SPRED1: variants seen among roughly 807,000 people sequenced by gnomAD.
The protein encoded by SPRED1 is sprouty related EVH1 domain containing 1.
A neutral mutation model predicts 52.3 loss-of-function variants in SPRED1; 18 were observed. The ratio of observed to expected loss-of-function variants is 0.34; its 90% CI spans 0.24 to 0.51. The LOEUF is 0.51. SPRED1 is among the 20% of genes least tolerant of loss of function. The probability of loss-of-function intolerance (pLI) is 0.97; values close to 1 mark genes in which losing one functional copy is unlikely to be tolerated. For missense variants in SPRED1, 485 were observed against 551.0 expected (o/e 0.88, Z 1.20); for synonymous variants, 155 against 179.7 (o/e 0.86, Z 1.10).
rs1004198811 is a variant in SPRED1, at chr15:38,345,976, T to C, written c.583-3446T>C. Among the ~76,000 whole-genome samples the C allele has an allele frequency of 2.6e-5, 4 of 152,216 alleles. No homozygotes were observed. The East Asian group carries it at 7.7e-4, about 29-fold the overall frequency. ...TCAACTACGCTAGTTTATGTTCCCT[T>C]AGTAATGCTTAAATAGGCATTGCCA... On this transcript the variant is annotated intron_variant, in intron 5 of 6. Transcript: ENST00000299084.
intron 5 of SPRED1, among the ~76,000 whole-genome samples, chr15:38,346,316 A>G (rs1277269391): frequency 8.5e-6 from 1 of 117,036 alleles, no homozygotes; most frequent in Non-Finnish European, 1.9e-5. Context: ...CTTGTCTCAA[A>G]AAAAAAAAAA....
At chr15:38,307,729 C>A (rs566250112) in intron 2 of SPRED1, among the ~76,000 whole-genome samples, 1 of 152,230 alleles carries the variant, frequency 6.6e-6, no homozygotes, top group Non-Finnish European at 1.5e-5. Flanking sequence ...ATTATGGTAA[C>A]TTTAATAAGA....
chr15:38,343,138 A>G (rs1351638286), intron 5 of SPRED1, among the ~76,000 whole-genome samples: 1 of 152,066 alleles, frequency 6.6e-6, no homozygotes, highest in African/African-American at 2.4e-5. Flanking sequence ...TACGACATAA[A>G]TGCCCCAATA....
chr15:38,327,797 T>G lies in SPRED1; in HGVS notation c.423+2988T>G, dbSNP rs560566821. On this transcript the variant is annotated intron_variant, in intron 4 of 6. Coordinates refer to ENST00000299084, the MANE Select transcript of SPRED1 (RefSeq NM_152594.3). ...ACAGAAACTATGAGATAATAAATGTTTGTGTTTGAAGCTGCTAAGTTTTGT... is the reference window on the plus strand; with the variant it reads ...ACAGAAACTATGAGATAATAAATGTGTGTGTTTGAAGCTGCTAAGTTTTGT... Among the ~76,000 whole-genome samples the G allele has an allele frequency of 7.2e-5, 11 of 152,320 alleles. No individual in the cohort carries two copies. The South Asian group carries it at 2.3e-3, about 32-fold the overall frequency.
At chr15:38,255,622 A>G (rs1371025774) in intron 1 of SPRED1, among the ~76,000 whole-genome samples, 1 of 152,144 alleles carries the variant, frequency 6.6e-6, no homozygotes, top group Non-Finnish European at 1.5e-5. Flanking sequence ...TGTAGCTTTT[A>G]ATATAGTAAT....
chr15:38,322,098 T>C, intron 2 of SPRED1, 143 bp from the exon 3 acceptor site: 1 of 766,422 alleles, frequency 1.3e-6, no homozygotes, highest in Non-Finnish European at 2.1e-6. Context: ...TGAGTGACTT[T>C]GTGAAGTAGA....
At chr15:38,340,939 GTTAT>G (rs1242974218) in intron 5 of SPRED1, among the ~76,000 whole-genome samples, 2 of 148,142 alleles carry the variant, frequency 1.4e-5, no homozygotes, top group East Asian at 2.0e-4. Flanking sequence ...AAGATTGGTA[GTTAT>G]TTCTTTCTTA....
At chr15:38,257,352 A>G (rs1415643027) in intron 1 of SPRED1, among the ~76,000 whole-genome samples, 1 of 151,918 alleles carries the variant, frequency 6.6e-6, no homozygotes, top group Admixed American at 6.6e-5. Context: ...TCATTACCTC[A>G]TTTTTTTGTT....
chr15:38,285,726 G>A (rs755549864), intron 1 of SPRED1, among the ~76,000 whole-genome samples: 7 of 152,074 alleles, frequency 4.6e-5, no homozygotes, highest in African/African-American at 7.2e-5. Context: ...CACATGACCT[G>A]ATTCATGTTT....
intron 1 of SPRED1, among the ~76,000 whole-genome samples, chr15:38,297,275 T>C (rs1895059821): frequency 6.6e-6 from 1 of 152,228 alleles, no homozygotes; most frequent in Non-Finnish European, 1.5e-5. Context: ...GAAATTGAGT[T>C]ACAGTTTAGG....
intron 3 of SPRED1, 73 bp downstream of exon 3, chr15:38,322,482 AC>A (rs1461625784): frequency 1.3e-6 from 2 of 1,538,228 alleles, no homozygotes; most frequent in Non-Finnish European, 1.8e-6. Flanking sequence ...CTTAAAGTTG[AC>A]CCAAAGTAGT....
At position 38,352,688 on chromosome 15, in the gene SPRED1, A is replaced by G. The variant is rs1888518639; in HGVS notation, c.*1024A>G. On this transcript the variant is annotated 3_prime_UTR_variant, in exon 7 of 7. Transcript: ENST00000299084. ...ACTGGATAGTTAGTGTAAAAGCTTC[A>G]TGTTGAGATCTTCACGTATCATTCT... 1 of 152,062 alleles carries G rather than the reference A, an allele frequency of 6.6e-6. No homozygotes were observed. The highest frequency in any genetic ancestry group is 2.1e-4 in the South Asian group (1 of 4,826). 9.4% of individuals were successfully genotyped at this position (152,062 alleles called of 1,614,324 possible).
chr15:38,337,492 C>T (rs953035596), intron 4 of SPRED1, among the ~76,000 whole-genome samples: 1 of 152,072 alleles, frequency 6.6e-6, no homozygotes, highest in Non-Finnish European at 1.5e-5. Flanking sequence ...TGAACTATTC[C>T]TAGTTAATAG....
In SPRED1 at chr15:38,253,184, A is replaced by G; in HGVS notation, c.-2A>G. 6.3e-7 allele frequency: 1 copy of G among 1,579,754 alleles called. No homozygotes were observed. Among genetic ancestry groups the G allele is most frequent in the South Asian group, 1.2e-5 (1 of 86,398 alleles). On this transcript the variant is annotated 5_prime_UTR_variant, in exon 1 of 7. Transcript: ENST00000299084. Reference sequence around the variant, plus strand: ...TCCAGATCGGATCACGGTGAGGGAAAGATGAGCGAGGAGACGGCGACTTCT... The same window carrying G: ...TCCAGATCGGATCACGGTGAGGGAAGGATGAGCGAGGAGACGGCGACTTCT...
intron 5 of SPRED1, among the ~76,000 whole-genome samples, chr15:38,348,377 A>G (rs930287028): frequency 4.6e-5 from 7 of 151,776 alleles, no homozygotes; most frequent in Non-Finnish European, 1.0e-4. Flanking sequence ...TTAAATGCAG[A>G]GACCAAGGGC....
At chr15:38,329,444 C>T (rs1388455666) in intron 4 of SPRED1, among the ~76,000 whole-genome samples, 4 of 152,100 alleles carry the variant, frequency 2.6e-5, no homozygotes, top group Admixed American at 6.6e-5. Flanking sequence ...TAATAAGGCT[C>T]TATATCTGAA....
chr15:38,327,536 C>T (rs1263094012), intron 4 of SPRED1, among the ~76,000 whole-genome samples: 1 of 152,168 alleles, frequency 6.6e-6, no homozygotes, highest in South Asian at 2.1e-4. Flanking sequence ...CGTGAAGACA[C>T]TGGAGGAGAG....
At chr15:38,335,275 A>G (rs1022370110) in intron 4 of SPRED1, among the ~76,000 whole-genome samples, 2 of 152,078 alleles carry the variant, frequency 1.3e-5, no homozygotes. Flanking sequence ...AAGCTTTGGT[A>G]ATTGGAAACC....
In SPRED1 at chr15:38,351,001, G is replaced by C; in HGVS notation, c.685-13G>C. On this transcript the variant is annotated splice_polypyrimidine_tract_variant and intron_variant, in intron 6 of 6. Transcript: ENST00000299084. ...ATAGCCCTCATTGCAGTTTTTATCT[G>C]TTTCTTTTTTAGGTCCCTTTGAAAT... The C allele has an allele frequency of 6.2e-7, 1 of 1,609,826 alleles. No homozygotes were observed. Among genetic ancestry groups the C allele is most frequent in the Non-Finnish European group, 8.5e-7 (1 of 1,178,550 alleles).
Sources: gnomAD v4.1 joint callset for allele counts (sites outside exome capture counted in the v4.1 genomes callset) on GRCh38, gnomAD v4.1.1 for gene constraint, MANE v1.5 for transcripts, NCBI Gene and HGNC (gene_info 2026-07-23, HGNC 2026-07-21) for gene names.